The following EFR3A variants were observed in gnomAD, a reference collection of about 807,000 sequenced individuals.
EFR3A encodes EFR3 homolog A.
In EFR3A, 76 loss-of-function variants were observed where a neutral mutation model predicts 104.4. The observed-to-expected ratio is 0.73, with a 90% CI of 0.60 to 0.88. EFR3A has a LOEUF of 0.88. EFR3A is among the 40% of genes least tolerant of loss of function. The pLI is 0.00. For missense variants in EFR3A, 985 were observed against 1,012.5 expected, an observed-to-expected ratio of 0.97 and a Z score of 0.37; for synonymous variants, 330 against 330.0, an observed-to-expected ratio of 1.00 and a Z score of 0.00.
chr8:131,957,665 T>C (rs976553773), intron 7 of EFR3A, among the ~76,000 whole-genome samples: 2 of 151,720 alleles, frequency 1.3e-5, no homozygotes, highest in Non-Finnish European at 2.9e-5. Context: ...CAGTATCTTT[T>C]AATGTAGATG....
intron 15 of EFR3A, among the ~76,000 whole-genome samples, chr8:131,984,664 G>A (rs1820787349): frequency 6.6e-6 from 1 of 152,082 alleles, no homozygotes; most frequent in Non-Finnish European, 1.5e-5. Context: ...GTATGCAATG[G>A]CCATATATGC....
intron 8 of EFR3A, among the ~76,000 whole-genome samples, chr8:131,964,854 G>A (rs905719232): frequency 1.3e-5 from 2 of 152,008 alleles, no homozygotes; most frequent in South Asian, 2.1e-4. Flanking sequence ...CATGGTACTG[G>A]TACCAAAACA....
At chr8:131,918,235 T>A (rs571473105) in intron 1 of EFR3A, among the ~76,000 whole-genome samples, 2 of 152,220 alleles carry the variant, frequency 1.3e-5, no homozygotes, top group East Asian at 3.9e-4. Context: ...TGCAGTGAGT[T>A]GAGATCGCAC....
chr8:131,977,917 T>C (rs908470364), intron 12 of EFR3A, among the ~76,000 whole-genome samples: 4 of 152,154 alleles, frequency 2.6e-5, no homozygotes, highest in Admixed American at 1.3e-4. Flanking sequence ...AACACATTTG[T>C]TTGTATTTTC....
chr8:131,904,996 G>C (rs1001087913), intron 1 of EFR3A, among the ~76,000 whole-genome samples: 1 of 152,212 alleles, frequency 6.6e-6, no homozygotes, highest in African/African-American at 2.4e-5. Flanking sequence ...GGGTTACCAA[G>C]GCACCCCAAA....
intron 8 of EFR3A, among the ~76,000 whole-genome samples, chr8:131,965,737 T>C (rs1819676940): frequency 6.6e-6 from 1 of 151,958 alleles, no homozygotes; most frequent in Non-Finnish European, 1.5e-5. Context: ...TTGTAAATCA[T>C]GCTGCTATAA....
chr8:131,988,153 TTTTTCTCTGTGAACTATATA>T (rs1409129699), intron 18 of EFR3A, among the ~76,000 whole-genome samples: 2 of 148,242 alleles, frequency 1.3e-5, no homozygotes, highest in Non-Finnish European at 3.0e-5. Context: ...TAGGAATTTT[TTTTTCTCTGTGAACTATATA>T]TTTTCTCTGT....
intron 1 of EFR3A, among the ~76,000 whole-genome samples, chr8:131,935,866 C>CT (rs371148052): frequency 9.3e-4 from 130 of 139,764 alleles, no homozygotes; most frequent in African/African-American, 1.3e-3. Context: ...TTAAAGGGGT[C>CT]TTTTTTTTTT....
chr8:131,970,852 T>C (rs1178888652), intron 10 of EFR3A, among the ~76,000 whole-genome samples: 2 of 152,212 alleles, frequency 1.3e-5, no homozygotes, highest in Admixed American at 1.3e-4. Context: ...AATTCATCTA[T>C]TGTTGACATT....
chr8:131,970,388 A>T lies in EFR3A; in HGVS notation c.992-88A>T, dbSNP rs747921718. ...GATTTCTGACTATTTAGAAAATTAC[A>T]GAAACAATCTGTGGAGAAATAAGGT... On this transcript the variant is annotated intron_variant, in intron 9 of 22. Coordinates refer to ENST00000254624, the MANE Select transcript of EFR3A (RefSeq NM_015137.6). 2.1e-5 allele frequency: 27 copies of T among 1,255,872 alleles called. No homozygotes were observed. In the African/African-American group the frequency reaches 3.8e-4, roughly 18 times the overall value. 77.8% of individuals were successfully genotyped at this position (1,255,872 alleles called of 1,614,324 possible). A position where few individuals can be genotyped will look rare whatever the true frequency, so the allele number is the denominator to read the frequency against.
Position 131,916,452 on chromosome 8 carries a change from G to A in EFR3A, c.10+12130G>A, listed in dbSNP as rs1020414001. ...TTTGCTATAGGGACTTTTTGGAGGA[G>A]GAGGAATTTGGGGAAATTGAGATGG... On this transcript the variant is annotated intron_variant, in intron 1 of 22. Transcript: ENST00000254624. 3.9e-5 allele frequency among the ~76,000 whole-genome samples: 6 copies of A among 152,138 alleles called. 1 individual carries two copies. Among genetic ancestry groups the A allele is most frequent in the Non-Finnish European group, 4.4e-5 (3 of 68,022 alleles).
At chr8:131,972,318 C>A (rs1349397506) in intron 10 of EFR3A, among the ~76,000 whole-genome samples, 1 of 148,044 alleles carries the variant, frequency 6.8e-6, no homozygotes, top group East Asian at 2.0e-4. Flanking sequence ...GAATTCTGTA[C>A]TTTCTGCCCC....
chr8:131,947,024 T>G (rs1818474336), intron 4 of EFR3A, among the ~76,000 whole-genome samples: 1 of 152,064 alleles, frequency 6.6e-6, no homozygotes, highest in Non-Finnish European at 1.5e-5. Context: ...GGTTTTTGTG[T>G]GGATGTATGT....
intron 1 of EFR3A, among the ~76,000 whole-genome samples, chr8:131,932,277 A>G (rs1274907917): frequency 6.6e-6 from 1 of 152,142 alleles, no homozygotes; most frequent in Admixed American, 6.6e-5. Context: ...ACTACAGAAG[A>G]TTTTAGTTGT....
Position 131,977,054 on chromosome 8 carries a change from A to G in EFR3A, c.1288A>G (p.Arg430Gly), listed in dbSNP as rs1820357921. Reference protein sequence around the residue: ...DISQLGDLGTRRIQIMLLRSL... With the variant: ...DISQLGDLGTGRIQIMLLRSL... ...TGTATATTTTAGGGATTTGGGAACC[A>G]GGAGAATTCAGATAATGTTGCTGAG... The change falls in exon 12 of 23, where the codon AGG (arginine) becomes GGG (glycine). Residue 430 changes from arginine to glycine, a missense_variant. By Grantham distance (125) the Arg-to-Gly change is moderately radical. Transcript: ENST00000254624. The G allele has an allele frequency of 6.2e-7, 1 of 1,601,374 alleles. No homozygotes were observed. Among genetic ancestry groups the G allele is most frequent in the Admixed American group, 1.7e-5 (1 of 58,698 alleles).
intron 1 of EFR3A, among the ~76,000 whole-genome samples, chr8:131,938,946 G>T (rs1818034921): frequency 6.6e-6 from 1 of 152,036 alleles, no homozygotes; most frequent in Non-Finnish European, 1.5e-5. Flanking sequence ...TCAGAAAATG[G>T]TAATTGTCCC....
chr8:131,906,307 C>G (rs1816263932), intron 1 of EFR3A, among the ~76,000 whole-genome samples: 1 of 152,162 alleles, frequency 6.6e-6, no homozygotes, highest in South Asian at 2.1e-4. Context: ...AAGTTCACAG[C>G]TCTTAGGAGG....
At chr8:131,922,299 G>T (rs1817076026) in intron 1 of EFR3A, among the ~76,000 whole-genome samples, 1 of 152,014 alleles carries the variant, frequency 6.6e-6, no homozygotes, top group Admixed American at 6.6e-5. Context: ...ACAATGGCAG[G>T]TATAGGTTGA....
intron 7 of EFR3A, among the ~76,000 whole-genome samples, chr8:131,956,963 ATCTAT>A (rs1207847570): frequency 2.2e-4 from 34 of 152,168 alleles, no homozygotes; most frequent in Admixed American, 1.4e-3. Context: ...CTTAGAACTA[ATCTAT>A]AAGGCCTTAA....
Sources: gnomAD v4.1 joint callset for allele counts (sites outside exome capture counted in the v4.1 genomes callset) on GRCh38, gnomAD v4.1.1 for gene constraint, MANE v1.5 for transcripts, NCBI Gene and HGNC (gene_info 2026-07-23, HGNC 2026-07-21) for gene names.